Variants in CYTH3 observed in about 807,000 individuals in gnomAD.
CYTH3 encodes cytohesin 3.
A neutral mutation model predicts 55.1 loss-of-function variants in CYTH3; 23 were observed. That is an observed-to-expected ratio of 0.42 (90% CI 0.30 to 0.59). CYTH3 has a LOEUF of 0.59. CYTH3 is among the 20% of genes least tolerant of loss of function. CYTH3 has a pLI of 0.20. For synonymous variants in CYTH3, 249 were observed against 194.9 expected (o/e 1.28, Z -2.31); for missense variants, 413 against 524.8 (o/e 0.79, Z 2.08).
chr7:6,255,129 T>C (rs1238134148), intron 1 of CYTH3, among the ~76,000 whole-genome samples: 1 of 152,154 alleles, frequency 6.6e-6, no homozygotes, highest in Non-Finnish European at 1.5e-5. Context: ...ATAATTTCAC[T>C]TCGGTTTTTT....
intron 1 of CYTH3, among the ~76,000 whole-genome samples, chr7:6,223,740 T>C (rs539890015): frequency 8.6e-5 from 13 of 151,334 alleles, no homozygotes; most frequent in South Asian, 4.2e-4. Flanking sequence ...GAGACTTTTG[T>C]TCACGTGTTT....
chr7:6,225,932 C>G (rs551689218), intron 1 of CYTH3, among the ~76,000 whole-genome samples: 3 of 152,042 alleles, frequency 2.0e-5, no homozygotes, highest in African/African-American at 7.2e-5. Flanking sequence ...AAGACCACAA[C>G]GCCTCAGCCT....
At position 6,272,598 on chromosome 7, in the gene CYTH3, C is replaced by G; in HGVS notation, c.-91G>C. On this transcript the variant is annotated 5_prime_UTR_variant, in exon 1 of 13. Coordinates refer to ENST00000350796, the MANE Select transcript of CYTH3 (RefSeq NM_004227.4). ...CCGCCGGAGGGAGCGCGCAGGCGAC[C>G]GGGCGGCTCCTCAGCGCGCGGCCCG... 3.5e-5 allele frequency: 36 copies of G among 1,018,444 alleles called. No homozygotes were observed. Among genetic ancestry groups the G allele is most frequent in the Non-Finnish European group, 4.2e-5 (35 of 834,376 alleles). The allele number at this position is 1,018,444 out of a possible 1,614,324, so 63.1% of individuals were successfully genotyped here. A position where few individuals can be genotyped will look rare whatever the true frequency, so the allele number is the denominator to read the frequency against.
chr7:6,191,180 G>A (rs1783795395), intron 1 of CYTH3, among the ~76,000 whole-genome samples: 2 of 152,052 alleles, frequency 1.3e-5, no homozygotes, highest in Admixed American at 1.3e-4. Context: ...AGGCACGGTG[G>A]CTCACGTCTC....
intron 1 of CYTH3, among the ~76,000 whole-genome samples, chr7:6,198,866 A>G (rs1264621186): frequency 2.6e-5 from 4 of 152,038 alleles, no homozygotes; most frequent in Non-Finnish European, 5.9e-5. Context: ...GAGCTTCCCT[A>G]TAAAATCCTG....
At chr7:6,205,556 A>G (rs1193609465) in intron 1 of CYTH3, among the ~76,000 whole-genome samples, 1 of 152,230 alleles carries the variant, frequency 6.6e-6, no homozygotes, top group Non-Finnish European at 1.5e-5. Context: ...CCTGGGCAAA[A>G]GAATGAGACT....
At chr7:6,189,897 G>A (rs1783753825) in intron 2 of CYTH3, among the ~76,000 whole-genome samples, 1 of 152,040 alleles carries the variant, frequency 6.6e-6, no homozygotes, top group Non-Finnish European at 1.5e-5. Context: ...TTAGCTGGGT[G>A]TGGTGGTGGG....
At chr7:6,271,510 C>T (rs1407078252) in intron 1 of CYTH3, among the ~76,000 whole-genome samples, 1 of 152,084 alleles carries the variant, frequency 6.6e-6, no homozygotes, top group African/African-American at 2.4e-5. Context: ...TCTAGAGAAC[C>T]TCAACTTCGG....
chr7:6,259,792 TATATATA>T (rs1780274058), intron 1 of CYTH3, among the ~76,000 whole-genome samples: 1 of 15,012 alleles, frequency 6.7e-5, no homozygotes, highest in Non-Finnish European at 8.8e-5. Flanking sequence ...ATAATATATA[TATATATA>T]TATATATATA....
At chr7:6,174,741 G>T (rs895942952) in intron 5 of CYTH3, among the ~76,000 whole-genome samples, 2 of 151,600 alleles carry the variant, frequency 1.3e-5, no homozygotes, top group Admixed American at 6.6e-5. Flanking sequence ...TAGAGACGGG[G>T]TTTCACCGTG....
intron 4 of CYTH3, among the ~76,000 whole-genome samples, chr7:6,179,696 A>C (rs1583749242): frequency 3.1e-5 from 2 of 65,038 alleles, no homozygotes; most frequent in Non-Finnish European, 2.7e-5. Flanking sequence ...CCCCCCACAC[A>C]CACACCCCAC....
chr7:6,202,481 A>C (rs1202813248), intron 1 of CYTH3, among the ~76,000 whole-genome samples: 1 of 98,996 alleles, frequency 1.0e-5, no homozygotes, highest in Non-Finnish European at 1.9e-5. Flanking sequence ...TTTTTTTTTG[A>C]GACAGGGTTT....
At chr7:6,222,147 C>T (rs968740375) in intron 1 of CYTH3, among the ~76,000 whole-genome samples, 1 of 152,172 alleles carries the variant, frequency 6.6e-6, no homozygotes. Flanking sequence ...TTGGTCCCTC[C>T]TGCCAGGGTG....
chr7:6,195,908 A>C (rs1783912614), intron 1 of CYTH3, among the ~76,000 whole-genome samples: 1 of 152,216 alleles, frequency 6.6e-6, no homozygotes, highest in African/African-American at 2.4e-5. Flanking sequence ...TGCTCATCAA[A>C]GTCCACGTAG....
chr7:6,255,493 G>T (rs1446181193), intron 1 of CYTH3, among the ~76,000 whole-genome samples: 2 of 152,162 alleles, frequency 1.3e-5, no homozygotes, highest in Non-Finnish European at 2.9e-5. Flanking sequence ...GGAAGGAATG[G>T]CTACATAGTT....
chr7:6,265,563 G>A (rs1049021330), intron 1 of CYTH3, among the ~76,000 whole-genome samples: 1 of 150,366 alleles, frequency 6.7e-6, no homozygotes, highest in Non-Finnish European at 1.5e-5. Context: ...ATGTTGCAGT[G>A]AGCCGAGATC....
chr7:6,272,389 C>G (rs1780687755), intron 1 of CYTH3, 85 bp downstream of exon 1: 11 of 1,208,852 alleles, frequency 9.1e-6, no homozygotes, highest in Admixed American at 4.0e-5. Flanking sequence ...CCGGCGAACC[C>G]CGGCCCAGCG....
intron 1 of CYTH3, among the ~76,000 whole-genome samples, chr7:6,267,323 C>G (rs1780524794): frequency 1.3e-5 from 2 of 152,108 alleles, no homozygotes; most frequent in African/African-American, 4.8e-5. Flanking sequence ...AGCTCTTGTG[C>G]CATGCATAGA....
chr7:6,211,144 T>G (rs1784310837), intron 1 of CYTH3, among the ~76,000 whole-genome samples: 1 of 152,164 alleles, frequency 6.6e-6, no homozygotes, highest in African/African-American at 2.4e-5. Context: ...CATCTGCCAC[T>G]GGGGCACCAT....
Sources: allele counts gnomAD v4.1 joint callset (sites outside exome capture counted in the v4.1 genomes callset), GRCh38; gene constraint gnomAD v4.1.1; transcripts MANE v1.5; gene names NCBI Gene and HGNC (gene_info 2026-07-23, HGNC 2026-07-21).